Variants in CSMD3 observed in about 807,000 individuals in gnomAD.
CSMD3 encodes the protein CUB and sushi domain-containing protein 3.
CSMD3 carries 177 observed loss-of-function variants against 435.2 expected under a neutral mutation model. The ratio of observed to expected loss-of-function variants is 0.41; its 90% CI spans 0.36 to 0.46. The LOEUF is 0.46. CSMD3 is among the 20% of genes least tolerant of loss of function. The probability of loss-of-function intolerance (pLI) is 0.34; values close to 1 mark genes in which losing one functional copy is unlikely to be tolerated. For missense variants in CSMD3, 4,265 were observed against 4,504.6 expected (o/e 0.95, Z 1.52); for synonymous variants, 1,656 against 1,520.5 (o/e 1.09, Z -2.07).
chr8:112,325,214 C>A (rs1162821888), intron 45 of CSMD3, among the ~76,000 whole-genome samples: 2 of 152,078 alleles, frequency 1.3e-5, no homozygotes, highest in African/African-American at 4.8e-5. Flanking sequence ...TTACTGTAGT[C>A]TTTTTAATTA....
At chr8:112,985,002 A>AGAT (rs1425065754) in intron 6 of CSMD3, among the ~76,000 whole-genome samples, 1 of 148,156 alleles carries the variant, frequency 6.7e-6, no homozygotes, top group African/African-American at 2.5e-5. Flanking sequence ...TATGATAGAT[A>AGAT]GATAGATAGA....
intron 31 of CSMD3, among the ~76,000 whole-genome samples, chr8:112,487,417 T>G (rs546621093): frequency 6.6e-6 from 1 of 152,238 alleles, no homozygotes; most frequent in Non-Finnish European, 1.5e-5. Context: ...GATCAGTGCT[T>G]TGAGGAAATA....
intron 5 of CSMD3, among the ~76,000 whole-genome samples, chr8:113,027,657 A>C (rs1201409681): frequency 6.6e-6 from 1 of 152,114 alleles, no homozygotes; most frequent in Non-Finnish European, 1.5e-5. Flanking sequence ...AGATATTACA[A>C]AGTAGTTACA....
chr8:113,151,477 G>A (rs1444608494), intron 4 of CSMD3, among the ~76,000 whole-genome samples: 1 of 151,150 alleles, frequency 6.6e-6, no homozygotes, highest in African/African-American at 2.4e-5. Context: ...GAAATATTGA[G>A]AATAATATAA....
chr8:113,386,733 G>C (rs1008934636), intron 1 of CSMD3, among the ~76,000 whole-genome samples: 1 of 151,876 alleles, frequency 6.6e-6, no homozygotes. Context: ...CACTACATCA[G>C]AATAAACTGC....
At chr8:112,298,807 T>C (rs1820594310) in intron 53 of CSMD3, among the ~76,000 whole-genome samples, 1 of 152,130 alleles carries the variant, frequency 6.6e-6, no homozygotes, top group South Asian at 2.1e-4. Flanking sequence ...AAGTTGGCTA[T>C]ACCACATGCT....
At chr8:112,678,682 C>T (rs1001610250) in intron 16 of CSMD3, among the ~76,000 whole-genome samples, 3 of 149,282 alleles carry the variant, frequency 2.0e-5, no homozygotes, top group Admixed American at 6.7e-5. Flanking sequence ...AATGTTCTAC[C>T]TTCTAATTTT....
At chr8:113,067,559 G>T (rs1158440157) in intron 5 of CSMD3, among the ~76,000 whole-genome samples, 1 of 152,014 alleles carries the variant, frequency 6.6e-6, no homozygotes, top group Non-Finnish European at 1.5e-5. Flanking sequence ...AGCAAAAACT[G>T]CAATAACTTT....
intron 4 of CSMD3, among the ~76,000 whole-genome samples, chr8:113,166,969 A>G (rs948521684): frequency 2.6e-5 from 4 of 152,150 alleles, no homozygotes; most frequent in Admixed American, 2.0e-4. Flanking sequence ...TCTTAATACT[A>G]TAAGTAAGAC....
At chr8:113,343,931 T>A (rs2094136053) in intron 1 of CSMD3, among the ~76,000 whole-genome samples, 1 of 152,120 alleles carries the variant, frequency 6.6e-6, no homozygotes, top group African/African-American at 2.4e-5. Flanking sequence ...GAAATATAAA[T>A]AATTAGTTGT....
At chr8:112,241,870 A>ACACG in intron 65 of CSMD3, 85 bp from the exon 66 acceptor site, 1 of 862,380 alleles carries the variant, frequency 1.2e-6, no homozygotes, top group South Asian at 1.3e-5. Flanking sequence ...ACACACACAC[A>ACACG]CAGTGTGATG....
chr8:112,311,240 A>G (rs2130816637), intron 49 of CSMD3, 74 bp from the exon 50 acceptor site: 1 of 1,229,540 alleles, frequency 8.1e-7, no homozygotes, highest in Non-Finnish European at 1.2e-6. Context: ...AAACACCTAT[A>G]CAGCGACTAG....
At chr8:113,273,019 T>A (rs2093541500) in intron 3 of CSMD3, among the ~76,000 whole-genome samples, 2 of 152,028 alleles carry the variant, frequency 1.3e-5, no homozygotes, top group Admixed American at 1.3e-4. Context: ...TTGCAATGTT[T>A]CCAACACAAA....
At chr8:113,218,825 A>G (rs138619325) in intron 3 of CSMD3, among the ~76,000 whole-genome samples, 1 of 151,298 alleles carries the variant, frequency 6.6e-6, no homozygotes, top group Non-Finnish European at 1.5e-5. Flanking sequence ...AGATTTGGAA[A>G]CATTTGCATA....
intron 4 of CSMD3, among the ~76,000 whole-genome samples, chr8:113,135,332 A>G (rs1420815889): frequency 6.6e-6 from 1 of 151,956 alleles, no homozygotes; most frequent in Admixed American, 6.6e-5. Context: ...ATAAATACAG[A>G]CAATTTAAAT....
chr8:112,779,040 T>C (rs994939542), intron 13 of CSMD3, among the ~76,000 whole-genome samples: 4 of 152,008 alleles, frequency 2.6e-5, no homozygotes, highest in African/African-American at 9.7e-5. Flanking sequence ...TTCTTATTGT[T>C]GAATTTTAGG....
intron 61 of CSMD3, 40 bp downstream of exon 61, chr8:112,263,599 A>G (rs1245639132): frequency 2.5e-6 from 4 of 1,585,070 alleles, no homozygotes; most frequent in South Asian, 2.2e-5. Flanking sequence ...GAAAAATTTG[A>G]AAATTTTAAG....
At chr8:113,087,653 A>G (rs1422526291) in intron 5 of CSMD3, among the ~76,000 whole-genome samples, 2 of 151,868 alleles carry the variant, frequency 1.3e-5, no homozygotes, top group African/African-American at 4.8e-5. Flanking sequence ...CTGGCTAGCC[A>G]TATGTAGAAA....
At chr8:112,459,361 G>T (rs193094033) in intron 32 of CSMD3, among the ~76,000 whole-genome samples, 43,107 of 140,402 alleles carry the variant, frequency 0.31, 6,680 homozygotes, top group East Asian at 0.5. Flanking sequence ...GTGTGTGTGG[G>T]GGGGGGGGGT....
Sources: gnomAD v4.1 joint callset for allele counts (sites outside exome capture counted in the v4.1 genomes callset) on GRCh38, gnomAD v4.1.1 for gene constraint, MANE v1.5 for transcripts, NCBI Gene and HGNC (gene_info 2026-07-23, HGNC 2026-07-21) for gene names.